The following MAPK3 variants were observed in gnomAD, a reference collection of about 807,000 sequenced individuals.
MAPK3 encodes MAPK 1.
A neutral mutation model predicts 41.8 loss-of-function variants in MAPK3; 30 were observed. The observed-to-expected ratio is 0.72, with a 90% confidence interval of 0.54 to 0.97. The LOEUF is 0.97. MAPK3 is among the 50% of genes least tolerant of loss of function. MAPK3 has a pLI of 0.00. For synonymous variants in MAPK3, 222 were observed against 213.4 expected (o/e 1.04, Z -0.35); for missense variants, 413 against 509.9 (o/e 0.81, Z 1.83).
intron 8 of MAPK3, chr16:30,115,756 ATTTT>A (rs544098757): frequency 5.2e-5 from 7 of 134,452 alleles, no homozygotes; most frequent in Non-Finnish European, 9.7e-5. Context: ...AGCCTTGGGC[ATTTT>A]TTTTTTTTTT....
At chr16:30,119,529 G>A (rs1406814992) in intron 2 of MAPK3, among the ~76,000 whole-genome samples, 1 of 152,192 alleles carries the variant, frequency 6.6e-6, no homozygotes, top group Non-Finnish European at 1.5e-5. Context: ...CAAGTTGTGA[G>A]TGCTAGGCAA....
At chr16:30,121,787 C>A in intron 2 of MAPK3, 37 bp downstream of exon 2, 1 of 1,598,742 alleles carries the variant, frequency 6.3e-7, no homozygotes, top group Non-Finnish European at 8.5e-7. Context: ...GCTGCGAGGC[C>A]GTGCCTGACC....
rs1256858334 is a variant in MAPK3, at chr16:30,116,194, C to A, written c.*32+442G>T. The stretch of plus-strand genomic sequence containing the variant: ...GGACTAGAAGCGCATGCCTACGTGC[C>A]CGGCTAATTTTTGTATTTTTAGTAG... On this transcript the variant is annotated intron_variant, in intron 8 of 8. Coordinates refer to ENST00000263025, the MANE Select transcript of MAPK3 (RefSeq NM_002746.3). Among the ~76,000 whole-genome samples, 3 of 151,514 alleles carry A rather than the reference C, an allele frequency of 2.0e-5. No individual in the cohort carries two copies. In the East Asian group the frequency reaches 5.8e-4, roughly 29 times the overall value.
chr16:30,117,452 A>C (rs2072968423), intron 5 of MAPK3, among the ~76,000 whole-genome samples, 167 bp from the exon 6 acceptor site: 1 of 152,134 alleles, frequency 6.6e-6, no homozygotes, highest in Admixed American at 6.6e-5. Flanking sequence ...GGGTTCAGGC[A>C]GACCGAGGCT....
chr16:30,116,679 C>T lies in MAPK3; in HGVS notation c.1129G>A (p.Glu377Lys). The T allele has an allele frequency of 6.2e-7, 1 of 1,613,524 alleles. No individual in the cohort carries two copies. The highest frequency in any genetic ancestry group is 8.5e-7 in the Non-Finnish European group (1 of 1,179,990). The change falls in exon 8 of 9, where the codon GAG becomes AAG. Residue 377 changes from glutamate to lysine, a missense_variant. By Grantham distance (56) the Glu-to-Lys change is moderately conservative (BLOSUM62 1). This residue lies in a region of MAPK3 where 123 missense variants were observed against 147.8 expected (regional missense o/e 0.83). Transcript: ENST00000263025. ...ETARFQPGVL[E>K]AP ...GATGTCTGTCTGGGCTAGGGGGCCT[C>T]CAGCACTCCGGGCTGGAAGCGTGCT...
Position 30,123,030 on chromosome 16 carries a change from G to T in MAPK3, c.170+10C>A. ...CTGAGGGCACCCCCTCCCCCGGAAC[G>T]CCCCCTCACCTGACCATGCCGTACG... On this transcript the variant is annotated intron_variant, in intron 1 of 8. Coordinates refer to ENST00000263025, the MANE Select transcript of MAPK3 (RefSeq NM_002746.3). The T allele has an allele frequency of 9.4e-7, 1 of 1,062,478 alleles. No homozygotes were observed. Among genetic ancestry groups the T allele is most frequent in the Non-Finnish European group, 1.2e-6 (1 of 822,990 alleles). 65.8% of individuals were successfully genotyped at this position (1,062,478 alleles called of 1,614,324 possible). A position where few individuals can be genotyped will look rare whatever the true frequency, so the allele number is the denominator to read the frequency against.
At chr16:30,117,990 C>T in intron 4 of MAPK3, 57 bp downstream of exon 4, 3 of 1,497,860 alleles carry the variant, frequency 2.0e-6, no homozygotes, top group Non-Finnish European at 2.8e-6. Flanking sequence ...TCAGAGGTAG[C>T]TCCAGGGCTT....
chr16:30,118,414 C>CAGACCCCCCCA lies in MAPK3; in HGVS notation c.477_478insTGGGGGGGTCT (p.Ala160TrpfsTer12). 6.2e-7 allele frequency: 1 copy of CAGACCCCCCCA among 1,601,482 alleles called. No individual in the cohort carries two copies. Among genetic ancestry groups the CAGACCCCCCCA allele is most frequent in the Non-Finnish European group, 8.5e-7 (1 of 1,174,894 alleles). Reference sequence around the variant, plus strand: ...TTTAGATCTCGGTGGAGCACGTTGGCGGAGTGGATGTACTTGAGGCCCCGC... The same window carrying CAGACCCCCCCA: ...TTTAGATCTCGGTGGAGCACGTTGGCAGACCCCCCCAGGAGTGGATGTACTTGAGGCCCCGC... On this transcript the variant is annotated frameshift_variant, in exon 3 of 9. Coordinates refer to ENST00000263025, the MANE Select transcript of MAPK3 (RefSeq NM_002746.3). LOFTEE classifies it high-confidence loss of function.
At chr16:30,118,751 G>A (rs1443193438) in intron 2 of MAPK3, among the ~76,000 whole-genome samples, 1 of 152,150 alleles carries the variant, frequency 6.6e-6, no homozygotes, top group Non-Finnish European at 1.5e-5. Flanking sequence ...TGCTGATCCT[G>A]AGCAAGGGGC....
At chr16:30,121,370 A>G (rs199550862) in intron 2 of MAPK3, among the ~76,000 whole-genome samples, 44 of 152,302 alleles carry the variant, frequency 2.9e-4, no homozygotes, top group East Asian at 2.1e-3. Context: ...TCAGCCTCCC[A>G]AAGTGCTGGG....
intron 1 of MAPK3, 32 bp from the exon 2 acceptor site, chr16:30,122,038 G>A (rs748169937): frequency 2.5e-6 from 4 of 1,611,864 alleles, no homozygotes; most frequent in Non-Finnish European, 3.4e-6. Context: ...TGCTGCTGTG[G>A]CCTTACAAAG....
intron 1 of MAPK3, chr16:30,122,441 G>C (rs1277811845): frequency 8.1e-6 from 2 of 247,710 alleles, no homozygotes; most frequent in African/African-American, 4.5e-5. Flanking sequence ...CCCAGGGTGA[G>C]GGATCCGGGC....
rs2072973245 is a variant in MAPK3, at chr16:30,117,787, G to T, written c.661-3C>A. The T allele has an allele frequency of 1.2e-6, 2 of 1,608,870 alleles. No homozygotes were observed. Among genetic ancestry groups the T allele is most frequent in the Non-Finnish European group, 1.7e-6 (2 of 1,175,320 alleles). ...ATGTCGATGGACTTGGTATAGCCCT[G>T]GGGGAGAGGAGGAAGTGGTGAGCTC... is the stretch of plus-strand genomic sequence containing the variant. On this transcript the variant is annotated splice_polypyrimidine_tract_variant and splice_region_variant and intron_variant, in intron 4 of 8. Transcript: ENST00000263025.
At chr16:30,121,701 G>T in intron 2 of MAPK3, 123 bp downstream of exon 2, 1 of 1,074,460 alleles carries the variant, frequency 9.3e-7, no homozygotes, top group Non-Finnish European at 1.3e-6. Context: ...CTGCAGGAAA[G>T]TTTATTTTAC....
rs758979634 is a variant in MAPK3 at position 30,117,300 on chromosome 16, G to C, written c.776-15C>G. 24 of 1,613,362 alleles carry C rather than the reference G, an allele frequency of 1.5e-5. No homozygotes were observed. Among genetic ancestry groups the C allele is most frequent in the Non-Finnish European group, 1.9e-5 (22 of 1,179,746 alleles). ...GCCCAGGATGCCTGTGGATAAGGAG[G>C]TGACTTGGTAAATGATCACCTCTTT... On this transcript the variant is annotated splice_polypyrimidine_tract_variant and intron_variant, in intron 5 of 8. Coordinates refer to ENST00000263025, the MANE Select transcript of MAPK3 (RefSeq NM_002746.3).
At chr16:30,121,618 C>A (rs2151047593) in intron 2 of MAPK3, among the ~76,000 whole-genome samples, 1 of 152,234 alleles carries the variant, frequency 6.6e-6, no homozygotes, top group East Asian at 1.9e-4. Flanking sequence ...TTGCTCGAGG[C>A]CATACTGCCT....
chr16:30,114,959 C>T (rs768446550), intron 8 of MAPK3, among the ~76,000 whole-genome samples: 7 of 151,808 alleles, frequency 4.6e-5, no homozygotes, highest in African/African-American at 4.8e-5. Context: ...CTGTCTCGGC[C>T]GGGCACAGTG....
At position 30,123,044 on chromosome 16, in the gene MAPK3, C is replaced by A; in HGVS notation, c.166G>T (p.Val56Phe). The A allele has an allele frequency of 6.4e-7, 1 of 1,557,910 alleles. No homozygotes were observed. Among genetic ancestry groups the A allele is most frequent in the South Asian group, 1.2e-5 (1 of 86,012 alleles). The change falls in exon 1 of 9, where the codon GTC becomes TTC. Residue 56 changes from valine to phenylalanine, a missense_variant. By Grantham distance (50) the Val-to-Phe change is conservative. Coordinates refer to ENST00000263025, the MANE Select transcript of MAPK3 (RefSeq NM_002746.3). ...QYIGEGAYGM[V>F]SSAYDHVRKT... ...TCCCCCGGAACGCCCCCTCACCTGACCATGCCGTACGCGCCCTCGCCGATG... is the reference window on the plus strand; with the variant it reads ...TCCCCCGGAACGCCCCCTCACCTGAACATGCCGTACGCGCCCTCGCCGATG...
chr16:30,116,901 G>A lies in MAPK3; in HGVS notation c.1010C>T (p.Thr337Met), dbSNP rs527481960. 47 of 1,613,742 alleles carry A rather than the reference G, an allele frequency of 2.9e-5. No individual in the cohort carries two copies. Among genetic ancestry groups the A allele is most frequent in the Middle Eastern group, 1.6e-4 (1 of 6,082 alleles). Residue 337 changes from threonine (T) to methionine (M), a missense_variant, in exon 7 of 9, where the codon ACG becomes ATG. This residue lies in a region of MAPK3 where 123 missense variants were observed against 147.8 expected (regional missense o/e 0.83). Transcript: ENST00000263025. Reference sequence around the variant, plus strand: ...TGCTGGGGACTGGCCCACCTCATCCGTCGGGTCATAGTACTGCTCCAGGTA... The same window carrying A: ...TGCTGGGGACTGGCCCACCTCATCCATCGGGTCATAGTACTGCTCCAGGTA... ...HPYLEQYYDP[T>M]DEPVAEEPFT...
Sources: gnomAD v4.1 joint callset for allele counts (sites outside exome capture counted in the v4.1 genomes callset) on GRCh38, gnomAD v4.1.1 for gene constraint, gnomAD v4.1.1 regional missense constraint, MANE v1.5 for transcripts, NCBI Gene and HGNC (gene_info 2026-07-23, HGNC 2026-07-21) for gene names.